The following SYT1 variants were observed in gnomAD, a reference collection of about 807,000 sequenced individuals.
The protein encoded by SYT1 is synaptotagmin 1, also known as synaptotagmin-1.
Under a neutral mutation model 44.8 loss-of-function variants are expected in SYT1, and 8 were observed. That is an observed-to-expected ratio of 0.18 (90% confidence interval 0.10 to 0.32). The LOEUF is 0.32. Among genes scored for constraint, SYT1 ranks in the 10% least tolerant of loss-of-function variants. SYT1 has a pLI of 1.00. For missense variants in SYT1, 286 were observed against 509.3 expected, an observed-to-expected ratio of 0.56 and a Z score of 4.22; for synonymous variants, 154 against 188.8, an observed-to-expected ratio of 0.82 and a Z score of 1.51.
intron 2 of SYT1, among the ~76,000 whole-genome samples, chr12:79,035,607 A>G (rs1213280429): frequency 6.6e-6 from 1 of 151,196 alleles, no homozygotes; most frequent in Admixed American, 6.6e-5. Flanking sequence ...CCCTTTGTTT[A>G]CCCACCACTT....
intron 4 of SYT1, among the ~76,000 whole-genome samples, chr12:79,246,042 C>A (rs921037584): frequency 1.3e-5 from 2 of 151,950 alleles, no homozygotes; most frequent in African/African-American, 4.8e-5. Flanking sequence ...CTTTTAATAT[C>A]AATTTAAAGC....
At chr12:79,442,567 GGGA>G (rs1403473139) in intron 9 of SYT1, among the ~76,000 whole-genome samples, 2 of 152,106 alleles carry the variant, frequency 1.3e-5, no homozygotes, top group Non-Finnish European at 2.9e-5. Context: ...AGTCAGGACT[GGGA>G]GTCACAAGAC....
chr12:79,007,280 T>C (rs1871154799), intron 2 of SYT1, among the ~76,000 whole-genome samples: 1 of 152,298 alleles, frequency 6.6e-6, no homozygotes, highest in South Asian at 2.1e-4. Context: ...CGTTAAGTAC[T>C]CCAAGCCATG....
intron 3 of SYT1, among the ~76,000 whole-genome samples, chr12:79,096,387 A>G (rs1878133313): frequency 1.3e-5 from 2 of 151,994 alleles, no homozygotes; most frequent in South Asian, 4.1e-4. Flanking sequence ...CTCTGAGGTG[A>G]TGTATTTTGG....
intron 1 of SYT1, among the ~76,000 whole-genome samples, chr12:78,967,858 A>G (rs966982556): frequency 6.6e-6 from 1 of 152,200 alleles, no homozygotes; most frequent in Non-Finnish European, 1.5e-5. Context: ...ACACTGAAGT[A>G]GAACACAAAA....
At chr12:79,333,651 A>G (rs1185045571) in intron 8 of SYT1, among the ~76,000 whole-genome samples, 1 of 152,166 alleles carries the variant, frequency 6.6e-6, no homozygotes, top group Non-Finnish European at 1.5e-5. Flanking sequence ...AAAGTCAGGA[A>G]AACGCTTTTT....
intron 2 of SYT1, among the ~76,000 whole-genome samples, chr12:79,011,891 C>T (rs927804629): frequency 7.2e-5 from 11 of 151,730 alleles, no homozygotes; most frequent in Admixed American, 4.6e-4. Context: ...CAGCACTTTG[C>T]GGGGCTGAGG....
chr12:78,947,669 G>A (rs909908543), intron 1 of SYT1, among the ~76,000 whole-genome samples: 1 of 151,944 alleles, frequency 6.6e-6, no homozygotes, highest in Non-Finnish European at 1.5e-5. Context: ...TGTAGCTTTG[G>A]AGGATAACAG....
At chr12:79,305,222 A>AT (rs1880335243) in intron 8 of SYT1, among the ~76,000 whole-genome samples, 1 of 152,184 alleles carries the variant, frequency 6.6e-6, no homozygotes, top group Non-Finnish European at 1.5e-5. Flanking sequence ...AAAATCCAAT[A>AT]TTTTTTATTT....
chr12:79,325,657 T>A (rs1881578153), intron 8 of SYT1, among the ~76,000 whole-genome samples: 1 of 152,182 alleles, frequency 6.6e-6, no homozygotes, highest in Non-Finnish European at 1.5e-5. Context: ...TTACACTGAT[T>A]TAGTATGGCT....
At chr12:78,899,336 A>G (rs1295300261) in intron 1 of SYT1, among the ~76,000 whole-genome samples, 1 of 152,010 alleles carries the variant, frequency 6.6e-6, no homozygotes, top group Non-Finnish European at 1.5e-5. Flanking sequence ...AAAATCTAAG[A>G]AATGCAGAAT....
At chr12:79,337,774 C>A (rs1485096103) in intron 8 of SYT1, among the ~76,000 whole-genome samples, 4 of 152,204 alleles carry the variant, frequency 2.6e-5, no homozygotes, top group African/African-American at 9.6e-5. Context: ...TCCTTTCTAA[C>A]TGTGCAGGTC....
At chr12:79,447,741 G>A (rs370851793) in intron 10 of SYT1, among the ~76,000 whole-genome samples, 2 of 152,072 alleles carry the variant, frequency 1.3e-5, no homozygotes, top group Admixed American at 6.5e-5. Context: ...AAGATTGTCC[G>A]TTTTATTGAC....
intron 10 of SYT1, among the ~76,000 whole-genome samples, chr12:79,446,781 C>T (rs1057252199): frequency 1.3e-5 from 2 of 152,166 alleles, no homozygotes; most frequent in African/African-American, 4.8e-5. Flanking sequence ...CTGCTTTGGA[C>T]CCACTCACAA....
chr12:79,342,921 G>A (rs1263323263), intron 8 of SYT1, among the ~76,000 whole-genome samples: 1 of 152,198 alleles, frequency 6.6e-6, no homozygotes, highest in African/African-American at 2.4e-5. Flanking sequence ...ATCTAAACTA[G>A]AGATACAAAC....
intron 3 of SYT1, among the ~76,000 whole-genome samples, chr12:79,213,078 T>G (rs1874557371): frequency 6.6e-6 from 1 of 152,200 alleles, no homozygotes. Context: ...ACTGCAGGTA[T>G]CAAATCATGA....
At chr12:79,205,434 T>C (rs921069559) in intron 3 of SYT1, among the ~76,000 whole-genome samples, 1 of 152,186 alleles carries the variant, frequency 6.6e-6, no homozygotes, top group Non-Finnish European at 1.5e-5. Flanking sequence ...TTAAAATAAA[T>C]ATGGTTTTTG....
At chr12:79,078,581 G>A (rs553290934) in intron 3 of SYT1, among the ~76,000 whole-genome samples, 36 of 151,868 alleles carry the variant, frequency 2.4e-4, no homozygotes, top group African/African-American at 8.0e-4. Context: ...GGATGTACAG[G>A]TTTGTTACAT....
intron 3 of SYT1, among the ~76,000 whole-genome samples, chr12:79,122,157 G>C (rs983788841): frequency 1.3e-5 from 2 of 152,040 alleles, no homozygotes; most frequent in African/African-American, 4.8e-5. Context: ...TTCATCACTC[G>C]TATAATTAGA....
Sources: allele counts gnomAD v4.1 joint callset (sites outside exome capture counted in the v4.1 genomes callset), GRCh38; gene constraint gnomAD v4.1.1; transcripts MANE v1.5; gene names NCBI Gene and HGNC (gene_info 2026-07-23, HGNC 2026-07-21).